Variants in SLC38A4 observed in about 807,000 individuals in gnomAD.
The protein encoded by SLC38A4 is solute carrier family 38 member 4.
SLC38A4 carries 20 observed loss-of-function variants against 63.1 expected under a neutral mutation model. The observed-to-expected ratio is 0.32, with a 90% confidence interval of 0.22 to 0.46. SLC38A4 has a LOEUF of 0.46. SLC38A4 is among the 20% of genes least tolerant of loss of function. The pLI, the probability that SLC38A4 is intolerant of heterozygous loss-of-function variation, is 1.00. For synonymous variants in SLC38A4, 230 were observed against 225.5 expected, an observed-to-expected ratio of 1.02 and a Z score of -0.18; for missense variants, 526 against 663.6, an observed-to-expected ratio of 0.79 and a Z score of 2.28.
chr12:46,805,825 T>C lies in SLC38A4; in HGVS notation c.-304-2031A>G, dbSNP rs144501139. On this transcript the variant is annotated intron_variant, in intron 1 of 16. Transcript: ENST00000266579. ...AGATGACAAACACTTTAACTTGACC[T>C]TCACATAAGAAATTAAAATATGTGC... is the stretch of plus-strand genomic sequence containing the variant. 3.0e-3 allele frequency among the ~76,000 whole-genome samples: 454 copies of C among 152,108 alleles called. 3 individuals are homozygous for C. The highest frequency in any genetic ancestry group is 0.01 in the African/African-American group (429 of 41,534).
At chr12:46,785,738 C>CCTTTTTTTTTTTTTTTTT (rs1489385010) in intron 5 of SLC38A4, among the ~76,000 whole-genome samples, 2 of 66,898 alleles carry the variant, frequency 3.0e-5, no homozygotes, top group Non-Finnish European at 2.9e-5. Flanking sequence ...ACGAAAATTC[C>CCTTTTTTTTTTTTTTTTT]TTTTTTTTTT....
At chr12:46,825,313 T>A (rs529277305) in intron 1 of SLC38A4, among the ~76,000 whole-genome samples, 2 of 140,446 alleles carry the variant, frequency 1.4e-5, no homozygotes, top group Non-Finnish European at 1.6e-5. Flanking sequence ...TATACAAAGT[T>A]TATATATATA....
rs764614772 is a variant in SLC38A4 at position 46,769,435 on chromosome 12, C to G, written c.1300-7G>C. ...TGATCACTGATGTACGAATCTTAAA[C>G]AAGAAAGTTCAAAGGCAAGATCATT... On this transcript the variant is annotated splice_polypyrimidine_tract_variant and splice_region_variant and intron_variant, in intron 14 of 16. Transcript: ENST00000266579. 7 of 1,610,088 alleles carry G rather than the reference C, an allele frequency of 4.3e-6. No homozygotes were observed. Among genetic ancestry groups the G allele is most frequent in the Non-Finnish European group, 5.9e-6 (7 of 1,177,106 alleles).
chr12:46,827,242 T>C (rs1939670461), upstream of SLC38A4, among the ~76,000 whole-genome samples: 1 of 152,262 alleles, frequency 6.6e-6, no homozygotes, highest in Non-Finnish European at 1.5e-5. Flanking sequence ...TCCTTTGTTT[T>C]AGTTATGATA....
At chr12:46,807,529 C>T (rs944637305) in intron 1 of SLC38A4, among the ~76,000 whole-genome samples, 1 of 151,870 alleles carries the variant, frequency 6.6e-6, no homozygotes, top group African/African-American at 2.4e-5. Flanking sequence ...TCTGCCTTTT[C>T]GTTTTCAGAC....
At chr12:46,830,321 C>T (rs1196608686), upstream of SLC38A4, among the ~76,000 whole-genome samples, 17 of 152,114 alleles carry the variant, frequency 1.1e-4, no homozygotes, top group East Asian at 3.1e-3. Context: ...CACACACACA[C>T]ACACACACAC....
At chr12:46,792,111 T>C (rs1188743896) in intron 3 of SLC38A4, among the ~76,000 whole-genome samples, 2 of 152,018 alleles carry the variant, frequency 1.3e-5, no homozygotes, top group African/African-American at 2.4e-5. Flanking sequence ...TTGTAAGAGA[T>C]TGCTCTTGCA....
chr12:46,811,352 G>A (rs1483170230), intron 1 of SLC38A4, among the ~76,000 whole-genome samples: 3 of 151,946 alleles, frequency 2.0e-5, no homozygotes, highest in Admixed American at 2.0e-4. Flanking sequence ...AGAAGCTACT[G>A]GAGGAAGTAA....
At chr12:46,785,294 A>G in intron 5 of SLC38A4, 117 bp from the exon 6 acceptor site, 2 of 810,494 alleles carry the variant, frequency 2.5e-6, no homozygotes, top group Admixed American at 2.4e-5. Context: ...TTCCAAAAGT[A>G]TGTGGATTTG....
intron 1 of SLC38A4, among the ~76,000 whole-genome samples, chr12:46,822,814 C>T (rs1939577865): frequency 6.6e-6 from 1 of 152,094 alleles, no homozygotes. Context: ...TTGATCTTGA[C>T]TACCAGATTA....
intron 14 of SLC38A4, among the ~76,000 whole-genome samples, chr12:46,774,218 T>C (rs74084184): frequency 0.015 from 2,280 of 152,224 alleles, 55 homozygotes; most frequent in African/African-American, 0.052. Context: ...AGTGTCATTA[T>C]AGAAATAGTC....
chr12:46,804,238 C>T (rs1939186299), intron 1 of SLC38A4, among the ~76,000 whole-genome samples: 1 of 151,790 alleles, frequency 6.6e-6, no homozygotes, highest in African/African-American at 2.4e-5. Context: ...TATCAGCCAC[C>T]ACTCCTACAC....
At chr12:46,784,325 A>C (rs1007047666) in intron 7 of SLC38A4, among the ~76,000 whole-genome samples, 1 of 152,136 alleles carries the variant, frequency 6.6e-6, no homozygotes, top group African/African-American at 2.4e-5. Flanking sequence ...CTAGAATTCA[A>C]TTGGCAGGGT....
At chr12:46,789,367 G>A (rs1326534167) in intron 3 of SLC38A4, among the ~76,000 whole-genome samples, 1 of 152,118 alleles carries the variant, frequency 6.6e-6, no homozygotes, top group African/African-American at 2.4e-5. Context: ...ATGAAACTAA[G>A]GAAATTATTA....
chr12:46,779,574 A>C, intron 10 of SLC38A4, 37 bp downstream of exon 10: 4 of 1,557,470 alleles, frequency 2.6e-6, no homozygotes, highest in African/African-American at 1.4e-5. Context: ...AACTCATGCT[A>C]ACCAACCTGC....
intron 1 of SLC38A4, among the ~76,000 whole-genome samples, chr12:46,821,392 C>T (rs894291608): frequency 2.0e-5 from 3 of 151,994 alleles, no homozygotes; most frequent in African/African-American, 4.8e-5. Context: ...ATACAGTTTT[C>T]CCAACACCAT....
chr12:46,771,902 A>G (rs1002712456), intron 14 of SLC38A4, among the ~76,000 whole-genome samples: 1 of 152,014 alleles, frequency 6.6e-6, no homozygotes. Flanking sequence ...GAACCTGGAA[A>G]TGTGGGTCAG....
intron 14 of SLC38A4, among the ~76,000 whole-genome samples, chr12:46,773,095 A>T (rs1170800279): frequency 2.0e-5 from 3 of 152,090 alleles, no homozygotes; most frequent in Non-Finnish European, 4.4e-5. Flanking sequence ...CACGGAAGTG[A>T]CCACTCTCTG....
At chr12:46,770,483 G>C (rs1938394700) in intron 14 of SLC38A4, among the ~76,000 whole-genome samples, 1 of 151,962 alleles carries the variant, frequency 6.6e-6, no homozygotes, top group Non-Finnish European at 1.5e-5. Flanking sequence ...CTGAATAAAA[G>C]CTTAAATTAA....
Sources: gnomAD v4.1 joint callset for allele counts (sites outside exome capture counted in the v4.1 genomes callset) on GRCh38, gnomAD v4.1.1 for gene constraint, MANE v1.5 for transcripts, NCBI Gene and HGNC (gene_info 2026-07-23, HGNC 2026-07-21) for gene names.